CDK5: variants seen among roughly 807,000 people sequenced by gnomAD.
The protein encoded by CDK5 is cyclin dependent kinase 5.
A neutral mutation model predicts 44.6 loss-of-function variants in CDK5; 18 were observed. The ratio of observed to expected loss-of-function variants is 0.40; its 90% CI spans 0.28 to 0.60. The LOEUF is 0.60. CDK5 is among the 20% of genes least tolerant of loss of function. The probability of loss-of-function intolerance (pLI) is 0.38; values close to 1 mark genes in which losing one functional copy is unlikely to be tolerated. For synonymous variants in CDK5, 143 were observed against 152.8 expected (o/e 0.94, Z 0.47); for missense variants, 198 against 368.1 (o/e 0.54, Z 3.78).
In CDK5 at chr7:151,057,694, C is replaced by T; in HGVS notation, c.37+118G>A. The T allele has an allele frequency of 4.4e-6, 5 of 1,132,390 alleles. No homozygotes were observed. The South Asian group carries it at 6.6e-5, about 15-fold the overall frequency. The allele number at this position is 1,132,390 out of a possible 1,614,324, so 70.1% of individuals were successfully genotyped here. Reference sequence around the variant, plus strand: ...GTGCTGAGCTAGGGGGCCAGGGCTGCAGCCGCTGCTGAGATCGGAGCCTGT... The same window carrying T: ...GTGCTGAGCTAGGGGGCCAGGGCTGTAGCCGCTGCTGAGATCGGAGCCTGT... On this transcript the variant is annotated intron_variant, in intron 1 of 11. Transcript: ENST00000485972. The surrounding 1 kb of genome is among the most constrained non-coding windows in gnomAD (Gnocchi z 5.2).
rs776051072 is a variant in CDK5, at chr7:151,055,029, G to C, written c.648C>G (p.Phe216Leu). 1 of 1,613,784 alleles carries C rather than the reference G, an allele frequency of 6.2e-7. No individual in the cohort carries two copies. The highest frequency in any genetic ancestry group is 8.5e-7 in the Non-Finnish European group (1 of 1,179,818). ...AAGGCAGAGGAAAGCAAGGATATCG[G>C]AAGATCCTCTTCAACTGGTCATCGA... The part of the protein sequence containing the change: ...NDVDDQLKRI[F>L]RLLGTPTEEQ... The change falls in exon 9 of 12, where the codon TTC becomes TTG. Residue 216 changes from phenylalanine to leucine, a missense_variant and splice_region_variant. Transcript: ENST00000485972.
chr7:151,056,405 C>T lies in CDK5; in HGVS notation c.312+175G>A, dbSNP rs1043815260. The T allele has an allele frequency of 1.3e-5, 8 of 621,028 alleles. No homozygotes were observed. The highest frequency in any genetic ancestry group is 1.9e-5 in the South Asian group (1 of 52,280). The allele number at this position is 621,028 out of a possible 1,614,324, so 38.5% of individuals were successfully genotyped here. ...ACACTGTGCGGGTCAAAGATGACCA[C>T]GTGAAAATGCTCACTAAGACTGGAG... On this transcript the variant is annotated intron_variant, in intron 5 of 11. Transcript: ENST00000485972. The surrounding 1 kb of genome is among the most constrained non-coding windows in gnomAD (Gnocchi z 4.7).
chr7:151,054,945 A>G lies in CDK5; in HGVS notation c.650+82T>C, dbSNP rs1404728623. ...AGACCCCATCACCCTACCCCACACC[A>G]TCACTGCCCTCACCCATTGTGCTCA... On this transcript the variant is annotated intron_variant, in intron 9 of 11. Coordinates refer to ENST00000485972, the MANE Select transcript of CDK5 (RefSeq NM_004935.4). The surrounding 1 kb of genome is among the most constrained non-coding windows in gnomAD (Gnocchi z 5.7). 6 of 1,389,398 alleles carry G rather than the reference A, an allele frequency of 4.3e-6. No homozygotes were observed. In the African/African-American group the frequency reaches 8.5e-5, roughly 20 times the overall value. 86.1% of individuals were successfully genotyped at this position (1,389,398 alleles called of 1,614,324 possible).
chr7:151,055,410 A>C, intron 7 of CDK5, 37 bp from the exon 8 acceptor site: 2 of 1,567,930 alleles, frequency 1.3e-6, no homozygotes, highest in South Asian at 2.2e-5. Context: ...CCTCCCACTT[A>C]GAGGACTGGG....
chr7:151,055,458 A>T, intron 7 of CDK5, 74 bp downstream of exon 7: 2 of 1,566,712 alleles, frequency 1.3e-6, no homozygotes, highest in Admixed American at 3.4e-5. Flanking sequence ...AGGAGAGGAA[A>T]ATAATGTTTT....
At position 151,057,121 on chromosome 7, in the gene CDK5, G is replaced by C. The variant is rs759312847; in HGVS notation, c.77C>G (p.Thr26Ser). Residue 26 changes from threonine to serine, a missense_variant, in exon 2 of 12, where the codon ACT becomes AGT. Transcript: ENST00000485972. The surrounding 1 kb of genome is among the most constrained non-coding windows in gnomAD (Gnocchi z 5.2). ...CCGTTTCAGAGCCACGATCTCATGA[G>C]TCTCCCGGTTTTTGGCCTTGAACAC... is the stretch of plus-strand genomic sequence containing the variant. ...GTVFKAKNRE[T>S]HEIVALKRVR... is the part of the protein sequence containing the mutation. 12 of 1,613,838 alleles carry C rather than the reference G, an allele frequency of 7.4e-6. No homozygotes were observed. The highest frequency in any genetic ancestry group is 5.1e-6 in the Non-Finnish European group (6 of 1,179,882).
chr7:151,055,319 A>G lies in CDK5; in HGVS notation c.538T>C (p.Ser180Pro). Residue 180 changes from serine (S) to proline (P), a missense_variant, in exon 8 of 12, where the codon TCC (serine) becomes CCC (proline). Transcript: ENST00000485972. The part of the protein sequence containing the change: ...PDVLFGAKLY[S>P]TSIDMWSAGC... ...GCTGACCACATGTCGATGGACGTGG[A>G]GTACAGCTTGGCCCCAAAGAGGACA... 1 of 1,613,962 alleles carries G rather than the reference A, an allele frequency of 6.2e-7. No individual in the cohort carries two copies. The highest frequency in any genetic ancestry group is 2.2e-5 in the East Asian group (1 of 44,874).
Position 151,056,886 on chromosome 7 carries a change from G to T in CDK5, c.194+22C>A, listed in dbSNP as rs974834525. 11 of 1,599,260 alleles carry T rather than the reference G, an allele frequency of 6.9e-6. No homozygotes were observed. Among genetic ancestry groups the T allele is most frequent in the Non-Finnish European group, 9.4e-6 (11 of 1,173,258 alleles). ...CTCCCCCAAGCGGCCACACCGGCAA[G>T]GAGCACCCGCCTCCCGCACACCTGA... is the stretch of plus-strand genomic sequence containing the variant. On this transcript the variant is annotated intron_variant, in intron 3 of 11. Transcript: ENST00000485972. The surrounding 1 kb of genome is among the most constrained non-coding windows in gnomAD (Gnocchi z 4.7).
chr7:151,054,600 G>T lies in CDK5; in HGVS notation c.651-135C>A, dbSNP rs1187302209. The T allele has an allele frequency of 2.4e-6, 2 of 817,388 alleles. No individual in the cohort carries two copies. Among genetic ancestry groups the T allele is most frequent in the African/African-American group, 3.5e-5 (2 of 57,890 alleles). The allele number at this position is 817,388 out of a possible 1,614,324, so 50.6% of individuals were successfully genotyped here. On this transcript the variant is annotated intron_variant, in intron 9 of 11. Transcript: ENST00000485972. This position sits in a 1 kb window ranked among gnomAD's most constrained non-coding sequence, Gnocchi z 5.7. The stretch of plus-strand genomic sequence containing the variant: ...CTTCTCACCCTCCCTTTACCCTCCG[G>T]CTTGAGCTTGACAGAAGCAGCCCCA...
In CDK5 at chr7:151,057,422, A is replaced by C. The variant is rs2069446; in HGVS notation, c.38-262T>G. The C allele has an allele frequency of 1.7e-6, 1 of 591,230 alleles. No homozygotes were observed. Among genetic ancestry groups the C allele is most frequent in the African/African-American group, 1.9e-5 (1 of 53,484 alleles). The allele number at this position is 591,230 out of a possible 1,614,324, so 36.6% of individuals were successfully genotyped here. On this transcript the variant is annotated intron_variant, in intron 1 of 11. Coordinates refer to ENST00000485972, the MANE Select transcript of CDK5 (RefSeq NM_004935.4). The surrounding 1 kb of genome is among the most constrained non-coding windows in gnomAD (Gnocchi z 5.2). ...GTCTAAAATGAAGGCGGTGCTCCGG[A>C]AGGGTCTGGAAATAGTGAGGAGGGG...
In CDK5 at chr7:151,057,096, C is replaced by G; in HGVS notation, c.102G>C (p.Arg34=). Residue 34 remains arginine, a synonymous_variant, in exon 2 of 12, where the codon CGG becomes CGC. Transcript: ENST00000485972. This position sits in a 1 kb window ranked among gnomAD's most constrained non-coding sequence, Gnocchi z 5.2. ...RETHEIVALK[R]VRLDDDDEGV... ...CCTCATCATCGTCATCCAGCCTCAC[C>G]CGTTTCAGAGCCACGATCTCATGAG... The G allele has an allele frequency of 1.2e-6, 2 of 1,613,970 alleles. No homozygotes were observed. The highest frequency in any genetic ancestry group is 1.7e-6 in the Non-Finnish European group (2 of 1,179,874).
In CDK5 at chr7:151,054,120, C is replaced by T. The variant is rs1237859381; in HGVS notation, c.793-25G>A. 1 of 1,592,074 alleles carries T rather than the reference C, an allele frequency of 6.3e-7. No homozygotes were observed. Among genetic ancestry groups the T allele is most frequent in the South Asian group, 1.1e-5 (1 of 87,886 alleles). On this transcript the variant is annotated intron_variant, in intron 11 of 11. Coordinates refer to ENST00000485972, the MANE Select transcript of CDK5 (RefSeq NM_004935.4). This position sits in a 1 kb window ranked among gnomAD's most constrained non-coding sequence, Gnocchi z 5.7. ...TCTGGAGATGGGGGAAAGGAGGTGG[C>T]AGGTTCAGGACAGGTCACTGCCCAG...
Position 151,056,808 on chromosome 7 carries a change from G to A in CDK5, c.195-12C>T. Reference sequence around the variant, plus strand: ...GGACGTCATGAAGCCTAGGGCAAAAGAAGGGCTCAGCCAGGCAGGTCCGCC... The same window carrying A: ...GGACGTCATGAAGCCTAGGGCAAAAAAAGGGCTCAGCCAGGCAGGTCCGCC... On this transcript the variant is annotated splice_polypyrimidine_tract_variant and intron_variant, in intron 3 of 11. Transcript: ENST00000485972. This position sits in a 1 kb window ranked among gnomAD's most constrained non-coding sequence, Gnocchi z 4.7. 1 of 1,608,518 alleles carries A rather than the reference G, an allele frequency of 6.2e-7. No homozygotes were observed. Among genetic ancestry groups the A allele is most frequent in the Non-Finnish European group, 8.5e-7 (1 of 1,177,382 alleles).
rs754771314 is a variant in CDK5, at chr7:151,056,990, G to T, written c.127-15C>A. On this transcript the variant is annotated splice_polypyrimidine_tract_variant and intron_variant, in intron 2 of 11. Coordinates refer to ENST00000485972, the MANE Select transcript of CDK5 (RefSeq NM_004935.4). This position sits in a 1 kb window ranked among gnomAD's most constrained non-coding sequence, Gnocchi z 4.7. ...CTCGGCACACCCTGCATATGTGAGG[G>T]GGCCGGTGGGCAGCAGTCAGATCCC... The T allele has an allele frequency of 7.4e-6, 12 of 1,613,884 alleles. No individual in the cohort carries two copies. In the South Asian group the frequency reaches 1.2e-4, roughly 16 times the overall value.
chr7:151,054,345 C>T lies in CDK5; in HGVS notation c.712-53G>A, dbSNP rs190949721. ...AGAGGTAGGGGGAGGGGGATGGAGG[C>T]GCTAGGAATGTGAAACGAGTGACCC... is the stretch of plus-strand genomic sequence containing the variant. On this transcript the variant is annotated intron_variant, in intron 10 of 11. Transcript: ENST00000485972. The surrounding 1 kb of genome is among the most constrained non-coding windows in gnomAD (Gnocchi z 5.7). The T allele has an allele frequency of 2.5e-4, 398 of 1,611,436 alleles. 5 individuals carry two copies. The East Asian group carries it at 7.8e-3, about 32-fold the overall frequency.
At position 151,057,207 on chromosome 7, in the gene CDK5, C is replaced by A. The variant is rs759506872; in HGVS notation, c.38-47G>T. The A allele has an allele frequency of 2.8e-6, 4 of 1,429,296 alleles. No individual in the cohort carries two copies. The Admixed American group carries it at 6.7e-5, about 24-fold the overall frequency. 88.5% of individuals were successfully genotyped at this position (1,429,296 alleles called of 1,614,324 possible). A position where few individuals can be genotyped will look rare whatever the true frequency, so the allele number is the denominator to read the frequency against. On this transcript the variant is annotated intron_variant, in intron 1 of 11. Coordinates refer to ENST00000485972, the MANE Select transcript of CDK5 (RefSeq NM_004935.4). This position sits in a 1 kb window ranked among gnomAD's most constrained non-coding sequence, Gnocchi z 5.2. ...TCAGGGTGAGGATGCGGCACTCTTC[C>A]CTAAGCCAGGAAATGCCTCCTGAGA...
chr7:151,056,526 C>T lies in CDK5; in HGVS notation c.312+54G>A, dbSNP rs753704210. On this transcript the variant is annotated intron_variant, in intron 5 of 11. Transcript: ENST00000485972. The surrounding 1 kb of genome is among the most constrained non-coding windows in gnomAD (Gnocchi z 4.7). ...CTTAGAGCCCAAGGGGTGCTTACACCGAATGCAGACTCCGACCCCAGCCTG... is the reference window on the plus strand; with the variant it reads ...CTTAGAGCCCAAGGGGTGCTTACACTGAATGCAGACTCCGACCCCAGCCTG... 26 of 1,532,436 alleles carry T rather than the reference C, an allele frequency of 1.7e-5. No individual in the cohort carries two copies. The highest frequency in any genetic ancestry group is 2.0e-5 in the Non-Finnish European group (22 of 1,113,618). The allele number at this position is 1,532,436 out of a possible 1,614,324, so 94.9% of individuals were successfully genotyped here.
chr7:151,055,715 C>G, intron 6 of CDK5, 38 bp downstream of exon 6: 1 of 1,561,802 alleles, frequency 6.4e-7, no homozygotes, highest in East Asian at 2.3e-5. Context: ...TGCCCTGGCC[C>G]CAGCCTCTCC....
rs756343351 is a variant in CDK5, at chr7:151,055,115, G to A, written c.581-19C>T. 1.2e-6 allele frequency: 2 copies of A among 1,606,034 alleles called. No individual in the cohort carries two copies. Among genetic ancestry groups the A allele is most frequent in the Non-Finnish European group, 1.7e-6 (2 of 1,175,846 alleles). ...GCCAGCTCTGGGGGATAGACAGGGG[G>A]CTAAGATGTGACATGTGAAGGACCC... On this transcript the variant is annotated intron_variant, in intron 8 of 11. Transcript: ENST00000485972.
Sources: gnomAD v4.1 joint callset for allele counts on GRCh38, gnomAD v4.1.1 for gene constraint, Gnocchi (gnomAD v3.1) non-coding constraint, MANE v1.5 for transcripts, NCBI Gene and HGNC (gene_info 2026-07-23, HGNC 2026-07-21) for gene names.